Variants in DOCK8 observed in about 807,000 individuals in gnomAD.
The protein encoded by DOCK8 is dedicator of cytokinesis protein 8.
In DOCK8, 141 loss-of-function variants were observed where a neutral mutation model predicts 245.6. The observed-to-expected ratio is 0.57, with a 90% confidence interval of 0.50 to 0.66. The LOEUF (loss-of-function observed/expected upper bound fraction) is 0.66, where lower values mean the gene tolerates loss of function less well. Ranked by LOEUF, DOCK8 falls within the 30% of genes least tolerant of loss-of-function variation. DOCK8 has a pLI of 0.00. For missense variants in DOCK8, 2,965 were observed against 2,603.4 expected (o/e 1.14, Z -3.02); for synonymous variants, 1,168 against 970.2 (o/e 1.20, Z -3.79).
chr9:354,446 C>T (rs1586778862), intron 14 of DOCK8, among the ~76,000 whole-genome samples: 1 of 152,168 alleles, frequency 6.6e-6, no homozygotes, highest in Non-Finnish European at 1.5e-5. Context: ...TGGACGTATA[C>T]TTTTAAAAAT....
chr9:252,231 C>G (rs1050095711), intron 1 of DOCK8, among the ~76,000 whole-genome samples: 1 of 151,784 alleles, frequency 6.6e-6, no homozygotes, highest in Non-Finnish European at 1.5e-5. Flanking sequence ...CCTCGGCCTC[C>G]CAAAGTGCTG....
upstream of DOCK8, among the ~76,000 whole-genome samples, chr9:212,030 G>C (rs545358570): frequency 3.7e-4 from 56 of 152,286 alleles, no homozygotes; most frequent in Middle Eastern, 0.01. Flanking sequence ...TTTAGGATAG[G>C]AAATGGCTCT....
intron 23 of DOCK8, among the ~76,000 whole-genome samples, chr9:389,105 G>C (rs2054078001): frequency 1.3e-5 from 2 of 152,108 alleles, no homozygotes; most frequent in Non-Finnish European, 2.9e-5. Context: ...CATTAATTAG[G>C]GTGACCAACT....
chr9:405,899 T>A (rs1196443949), intron 27 of DOCK8, among the ~76,000 whole-genome samples: 1 of 152,216 alleles, frequency 6.6e-6, no homozygotes, highest in Non-Finnish European at 1.5e-5. Context: ...AACTTTTTGC[T>A]CCATCCTGCC....
intron 6 of DOCK8, among the ~76,000 whole-genome samples, chr9:315,851 A>G (rs979504224): frequency 1.3e-5 from 2 of 152,236 alleles, no homozygotes; most frequent in Admixed American, 6.5e-5. Context: ...AGTCCCAGAA[A>G]TCCATGAGTG....
intron 2 of DOCK8, among the ~76,000 whole-genome samples, chr9:282,100 A>T (rs888362825): frequency 1.3e-5 from 2 of 152,126 alleles, no homozygotes; most frequent in African/African-American, 4.8e-5. Flanking sequence ...TCTTTATCAA[A>T]TTCCCCCCAC....
intron 6 of DOCK8, chr9:312,793 C>T (rs1484671169): frequency 6.5e-6 from 2 of 309,728 alleles, no homozygotes; most frequent in African/African-American, 4.4e-5. Context: ...GACGATTATT[C>T]AAGCCTTTTG....
At chr9:291,869 C>G (rs1563883614) in intron 4 of DOCK8, among the ~76,000 whole-genome samples, 1 of 151,026 alleles carries the variant, frequency 6.6e-6, no homozygotes, top group Non-Finnish European at 1.5e-5. Context: ...GAGTTCAAGA[C>G]CAGCCTAGGC....
chr9:297,394 C>T (rs687831), intron 4 of DOCK8, among the ~76,000 whole-genome samples: 135,850 of 151,986 alleles, frequency 0.89, 60,746 homozygotes, highest in Admixed American at 0.92. Flanking sequence ...TCTCAAAACG[C>T]GCTTGGTCTT....
intron 6 of DOCK8, among the ~76,000 whole-genome samples, chr9:313,280 A>ATAG (rs1216362596): frequency 6.6e-6 from 1 of 152,232 alleles, no homozygotes; most frequent in Admixed American, 6.5e-5. Flanking sequence ...TGCTGAGATA[A>ATAG]TACAAACACT....
At chr9:234,328 C>T (rs2047196620) in intron 1 of DOCK8, among the ~76,000 whole-genome samples, 2 of 152,192 alleles carry the variant, frequency 1.3e-5, no homozygotes, top group African/African-American at 2.4e-5. Flanking sequence ...CTGCCCTTAA[C>T]ATTTTTCCCT....
chr9:407,064 G>T lies in DOCK8; in HGVS notation c.3525G>T (p.Gly1175=), dbSNP rs1322414054. 6.2e-7 allele frequency: 1 copy of T among 1,613,992 alleles called. No homozygotes were observed. Among genetic ancestry groups the T allele is most frequent in the East Asian group, 2.2e-5 (1 of 44,886 alleles). Residue 1175 remains glycine (G), a synonymous_variant, in exon 28 of 48, where the codon GGG becomes GGT. Coordinates refer to ENST00000432829, the MANE Select transcript of DOCK8 (RefSeq NM_203447.4). The part of the protein sequence containing the change: ...TELAAALDAE[G]EGISKVQRKA... ...TGGCTGCTGCCCTGGATGCCGAAGG[G>T]GAAGGGTATGTTTCTGGCATTTAAA... is the stretch of plus-strand genomic sequence containing the variant.
chr9:307,815 A>G (rs987159218), intron 5 of DOCK8, among the ~76,000 whole-genome samples: 4 of 152,168 alleles, frequency 2.6e-5, no homozygotes, highest in Admixed American at 2.0e-4. Context: ...GACTCAACCT[A>G]AGTATCCATC....
intron 14 of DOCK8, among the ~76,000 whole-genome samples, chr9:361,501 C>T (rs1045139266): frequency 5.3e-5 from 8 of 152,172 alleles, no homozygotes; most frequent in Admixed American, 3.9e-4. Flanking sequence ...TGGCTCCAGC[C>T]GTTTTATTAC....
intron 19 of DOCK8, among the ~76,000 whole-genome samples, 160 bp from the exon 20 acceptor site, chr9:376,817 A>G (rs996393157): frequency 6.6e-6 from 1 of 152,248 alleles, no homozygotes; most frequent in African/African-American, 2.4e-5. Context: ...TCTACAAAGA[A>G]GTTCATAGCC....
At chr9:428,992 G>C (rs2056603978) in intron 35 of DOCK8, among the ~76,000 whole-genome samples, 1 of 150,962 alleles carries the variant, frequency 6.6e-6, no homozygotes, top group Non-Finnish European at 1.5e-5. Context: ...TTTTGAGACT[G>C]AGTCTCGCTC....
chr9:433,608 T>C (rs1290373794), intron 37 of DOCK8, among the ~76,000 whole-genome samples: 1 of 152,176 alleles, frequency 6.6e-6, no homozygotes, highest in African/African-American at 2.4e-5. Flanking sequence ...CAAACTAATT[T>C]AAACAAAAAT....
At chr9:264,425 T>C (rs1324658071) in intron 1 of DOCK8, among the ~76,000 whole-genome samples, 1 of 152,234 alleles carries the variant, frequency 6.6e-6, no homozygotes, top group Non-Finnish European at 1.5e-5. Flanking sequence ...AAACTTTTCT[T>C]TGTAGTCATG....
intron 26 of DOCK8, among the ~76,000 whole-genome samples, chr9:400,716 TCACCACCACCACCTC>T (rs1564015090): frequency 1.7e-3 from 5 of 3,026 alleles, no homozygotes; most frequent in Admixed American, 4.2e-3. Flanking sequence ...ACCTCCACCA[TCACCACCACCACCTC>T]CACCACCACC....
Sources: gnomAD v4.1 joint callset for allele counts (sites outside exome capture counted in the v4.1 genomes callset) on GRCh38, gnomAD v4.1.1 for gene constraint, MANE v1.5 for transcripts, NCBI Gene and HGNC (gene_info 2026-07-23, HGNC 2026-07-21) for gene names.